The following TBC1D5 variants were observed in gnomAD, a reference collection of about 807,000 sequenced individuals.
TBC1D5 encodes the protein TBC1 domain family member 5.
Under a neutral mutation model 100.3 loss-of-function variants are expected in TBC1D5, and 75 were observed. The ratio of observed to expected loss-of-function variants is 0.75; its 90% confidence interval spans 0.62 to 0.91. TBC1D5 has a LOEUF of 0.91. Among genes scored for constraint, TBC1D5 ranks in the 40% least tolerant of loss-of-function variants. The pLI is 0.00. For missense variants in TBC1D5, 910 were observed against 942.4 expected, an observed-to-expected ratio of 0.97 and a Z score of 0.45; for synonymous variants, 323 against 325.6, an observed-to-expected ratio of 0.99 and a Z score of 0.09.
chr3:17,352,190 T>C (rs1036143661), intron 13 of TBC1D5, among the ~76,000 whole-genome samples: 1 of 152,138 alleles, frequency 6.6e-6, no homozygotes, highest in African/African-American at 2.4e-5. Context: ...TATACATACA[T>C]CTATTTCACG....
intron 18 of TBC1D5, among the ~76,000 whole-genome samples, chr3:17,202,714 A>C (rs1453287627): frequency 6.6e-6 from 1 of 152,240 alleles, no homozygotes; most frequent in Non-Finnish European, 1.5e-5. Context: ...GGCCTAAGAT[A>C]TCGCAGGCTG....
intron 1 of TBC1D5, among the ~76,000 whole-genome samples, chr3:17,716,856 CTGAG>C (rs1182035078): frequency 6.6e-6 from 1 of 151,844 alleles, no homozygotes; most frequent in Non-Finnish European, 1.5e-5. Context: ...GTTTATTAAT[CTGAG>C]TGTTTGTTCT....
At chr3:17,693,373 C>T (rs1415362822) in intron 1 of TBC1D5, among the ~76,000 whole-genome samples, 1 of 152,156 alleles carries the variant, frequency 6.6e-6, no homozygotes, top group Non-Finnish European at 1.5e-5. Flanking sequence ...CGTAACACTC[C>T]CACCCAAAAA....
chr3:17,207,822 T>C (rs1021468326), intron 18 of TBC1D5, among the ~76,000 whole-genome samples: 4 of 152,218 alleles, frequency 2.6e-5, no homozygotes, highest in African/African-American at 9.6e-5. Flanking sequence ...TGATAGCTAC[T>C]ACTATATTAT....
In TBC1D5 at chr3:17,704,636, G is replaced by A. The variant is rs1404388006; in HGVS notation, c.-101+34707C>T. On this transcript the variant is annotated intron_variant, in intron 1 of 21. Transcript: ENST00000253692. ...CACCAACCTCCCGGACGGGGCTGCT[G>A]GCCAGGCGGGGGGCCGACCCCCCCA... Among the ~76,000 whole-genome samples, 5 of 77,244 alleles carry A rather than the reference G, an allele frequency of 6.5e-5. 2 individuals carry two copies. Among genetic ancestry groups the A allele is most frequent in the Non-Finnish European group, 1.1e-4 (4 of 37,452 alleles). 50.7% of individuals were successfully genotyped at this position (77,244 alleles called of 152,430 possible).
chr3:17,263,811 G>C (rs728022), intron 15 of TBC1D5, among the ~76,000 whole-genome samples: 62,350 of 152,054 alleles, frequency 0.41, 13,469 homozygotes, highest in Middle Eastern at 0.5. Flanking sequence ...TTCTGACTTT[G>C]CAAAATGCTT....
rs1045152643 is a variant in TBC1D5, at chr3:17,586,721, TA to T, written c.-36+37127del. Among the ~76,000 whole-genome samples the T allele has an allele frequency of 1.6e-4, 24 of 152,218 alleles. 1 individual carries two copies. Among genetic ancestry groups the T allele is most frequent in the African/African-American group, 4.6e-4 (19 of 41,552 alleles). ...AGTTCTTAGAGGACAAACGTTAGCC[TA>T]CTCATTAATCACTCTTTCCTTCACC... On this transcript the variant is annotated intron_variant, in intron 2 of 21. Coordinates refer to ENST00000253692, the Ensembl canonical transcript of TBC1D5.
At chr3:17,695,369 G>C (rs142351623) in intron 1 of TBC1D5, among the ~76,000 whole-genome samples, 1 of 152,090 alleles carries the variant, frequency 6.6e-6, no homozygotes, top group African/African-American at 2.4e-5. Flanking sequence ...GTGCAATGAC[G>C]CACATAGGCT....
At chr3:17,665,575 C>T (rs1416114178) in intron 1 of TBC1D5, among the ~76,000 whole-genome samples, 1 of 152,144 alleles carries the variant, frequency 6.6e-6, no homozygotes, top group African/African-American at 2.4e-5. Context: ...TATCCGTCTG[C>T]TAATTTGGTT....
At chr3:17,592,992 G>A (rs143605086) in intron 2 of TBC1D5, among the ~76,000 whole-genome samples, 15 of 152,262 alleles carry the variant, frequency 9.9e-5, no homozygotes, top group South Asian at 2.1e-4. Context: ...AAAGTGGGTC[G>A]TGCACAGAAG....
chr3:17,334,194 G>C (rs192165858), intron 13 of TBC1D5, among the ~76,000 whole-genome samples: 77 of 152,116 alleles, frequency 5.1e-4, no homozygotes, highest in African/African-American at 1.6e-3. Flanking sequence ...TTGAGGTAAG[G>C]ATGTCAAGGA....
At chr3:17,624,841 T>G (rs1169264346) in intron 1 of TBC1D5, among the ~76,000 whole-genome samples, 1 of 152,076 alleles carries the variant, frequency 6.6e-6, no homozygotes, top group African/African-American at 2.4e-5. Context: ...TTAAAAATGT[T>G]AAAACTGCTA....
At chr3:17,651,359 G>A (rs865939356) in intron 1 of TBC1D5, among the ~76,000 whole-genome samples, 38 of 152,204 alleles carry the variant, frequency 2.5e-4, no homozygotes, top group African/African-American at 7.7e-4. Context: ...TCATTCTTTC[G>A]ATGTATCTAA....
At chr3:17,382,972 A>G (rs2093009961) in intron 9 of TBC1D5, among the ~76,000 whole-genome samples, 1 of 152,030 alleles carries the variant, frequency 6.6e-6, no homozygotes, top group Non-Finnish European at 1.5e-5. Context: ...TCCAATTCTA[A>G]TAAGCTATTG....
chr3:17,484,557 G>T (rs906778023), intron 3 of TBC1D5, among the ~76,000 whole-genome samples: 1 of 145,670 alleles, frequency 6.9e-6, no homozygotes, highest in African/African-American at 2.6e-5. Flanking sequence ...GTAACACCAG[G>T]GTGTGTGTGT....
intron 1 of TBC1D5, among the ~76,000 whole-genome samples, chr3:17,712,590 G>T (rs900933439): frequency 3.3e-5 from 5 of 152,168 alleles, no homozygotes; most frequent in African/African-American, 1.2e-4. Flanking sequence ...TTAACATACA[G>T]TCCTACTCAT....
chr3:17,468,686 T>C (rs2095337821), intron 3 of TBC1D5, among the ~76,000 whole-genome samples: 1 of 152,154 alleles, frequency 6.6e-6, no homozygotes, highest in African/African-American at 2.4e-5. Flanking sequence ...TCAACAACCA[T>C]GATCTGCAGA....
intron 12 of TBC1D5, among the ~76,000 whole-genome samples, chr3:17,373,839 G>A (rs1359522702): frequency 6.6e-6 from 1 of 152,058 alleles, no homozygotes; most frequent in African/African-American, 2.4e-5. Context: ...TGATGCCAGG[G>A]CCTGTAGGAA....
chr3:17,735,942 G>A (rs768871523), intron 1 of TBC1D5, among the ~76,000 whole-genome samples: 2 of 152,230 alleles, frequency 1.3e-5, no homozygotes, highest in Non-Finnish European at 2.9e-5. Context: ...GGGACCCAAA[G>A]GGGGTTGCCG....
Sources: gnomAD v4.1 joint callset for allele counts (sites outside exome capture counted in the v4.1 genomes callset) on GRCh38, gnomAD v4.1.1 for gene constraint, MANE v1.5 for transcripts, NCBI Gene and HGNC (gene_info 2026-07-23, HGNC 2026-07-21) for gene names.